Variants in SFMBT2 observed in about 807,000 individuals in gnomAD.
SFMBT2 encodes Scm like with four mbt domains 2, also known as scm-like with four MBT domains protein 2.
SFMBT2 carries 38 observed loss-of-function variants against 110.1 expected under a neutral mutation model. The observed-to-expected ratio is 0.35, with a 90% CI of 0.27 to 0.45. SFMBT2 has a LOEUF of 0.45. Ranked by LOEUF, SFMBT2 falls within the 20% of genes least tolerant of loss-of-function variation. SFMBT2 has a pLI of 1.00. For synonymous variants in SFMBT2, 425 were observed against 425.4 expected (o/e 1.00, Z 0.01); for missense variants, 1,011 against 1,094.9 (o/e 0.92, Z 1.08).
In SFMBT2 at chr10:7,221,333, G is replaced by A. The variant is rs190718697; in HGVS notation, c.1204-796C>T. On this transcript the variant is annotated intron_variant, in intron 10 of 20. Coordinates refer to ENST00000397167, the MANE Select transcript of SFMBT2 (RefSeq NM_001387889.1). Reference sequence around the variant, plus strand: ...TGTAATCCCAGCACTTTAGGAGGCTGAGGCAGGTGGATCACTTGAGGTCAG... The same window carrying A: ...TGTAATCCCAGCACTTTAGGAGGCTAAGGCAGGTGGATCACTTGAGGTCAG... Among the ~76,000 whole-genome samples the A allele has an allele frequency of 1.9e-3, 289 of 152,144 alleles. 1 individual carries two copies. Among genetic ancestry groups the A allele is most frequent in the Non-Finnish European group, 3.7e-3 (249 of 67,994 alleles).
chr10:7,166,841 G>A (rs1247001898), intron 20 of SFMBT2, among the ~76,000 whole-genome samples: 10 of 152,280 alleles, frequency 6.6e-5, no homozygotes, highest in Admixed American at 6.5e-4. Flanking sequence ...GTAAAATCAT[G>A]ACGAGCCCAG....
At chr10:7,206,154 G>C (rs548473563) in intron 11 of SFMBT2, 1 of 985,362 alleles carries the variant, frequency 1.0e-6, no homozygotes, top group East Asian at 1.1e-4. Context: ...GAATAAAAGG[G>C]GTTCAGAGAA....
chr10:7,401,065 G>A (rs950793736), intron 1 of SFMBT2, among the ~76,000 whole-genome samples: 1 of 152,096 alleles, frequency 6.6e-6, no homozygotes, highest in African/African-American at 2.4e-5. Context: ...CCCGGGAAAT[G>A]GAGATTGCAA....
At position 7,205,338 on chromosome 10, in the gene SFMBT2, G is replaced by A. The variant is rs941398451; in HGVS notation, c.1444+477C>T. 4 of 912,150 alleles carry A rather than the reference G, an allele frequency of 4.4e-6. No homozygotes were observed. The African/African-American group carries it at 7.2e-5, about 16-fold the overall frequency. 56.5% of individuals were successfully genotyped at this position (912,150 alleles called of 1,614,324 possible). A position where few individuals can be genotyped will look rare whatever the true frequency, so the allele number is the denominator to read the frequency against. Reference sequence around the variant, plus strand: ...AAATCCTGGGCTCAAGCATTCTCCTGCCTTGGCCTCCCAAAGTACTGAGAT... The same window carrying A: ...AAATCCTGGGCTCAAGCATTCTCCTACCTTGGCCTCCCAAAGTACTGAGAT... On this transcript the variant is annotated intron_variant, in intron 12 of 20. Transcript: ENST00000397167.
intron 8 of SFMBT2, chr10:7,244,027 C>A (rs1249360603): frequency 3.6e-6 from 3 of 821,928 alleles, no homozygotes; most frequent in Non-Finnish European, 2.9e-6. Flanking sequence ...ACAGACAAAC[C>A]CCAGCTTAGA....
At chr10:7,203,681 T>C (rs1839030349) in intron 12 of SFMBT2, 4 of 985,042 alleles carry the variant, frequency 4.1e-6, no homozygotes, top group Non-Finnish European at 4.8e-6. Context: ...GGAGAATCTA[T>C]TGGCCATGCT....
chr10:7,202,822 T>G, intron 12 of SFMBT2: 3 of 985,426 alleles, frequency 3.0e-6, no homozygotes, highest in Non-Finnish European at 3.6e-6. Flanking sequence ...TACCTCACAT[T>G]AGCACACATG....
chr10:7,269,176 G>T (rs1327252), intron 7 of SFMBT2, among the ~76,000 whole-genome samples: 134,973 of 152,284 alleles, frequency 0.89, 59,832 homozygotes, highest in East Asian at 0.92. Context: ...ATCTGTATTT[G>T]CCAAATAAGG....
chr10:7,242,887 T>C (rs1840479459), intron 9 of SFMBT2, among the ~76,000 whole-genome samples: 1 of 152,202 alleles, frequency 6.6e-6, no homozygotes, highest in South Asian at 2.1e-4. Context: ...AAGTTTACTT[T>C]TCTCATCTTT....
At chr10:7,211,449 T>C (rs937517145) in intron 11 of SFMBT2, among the ~76,000 whole-genome samples, 12 of 152,170 alleles carry the variant, frequency 7.9e-5, no homozygotes, top group African/African-American at 2.9e-4. Context: ...GGAGAGGCGA[T>C]TCCCCGGCCT....
rs752372137 is a variant in SFMBT2, at chr10:7,170,913, C to T, written c.2544+15G>A. On this transcript the variant is annotated intron_variant, in intron 20 of 20. Transcript: ENST00000397167. The surrounding 1 kb of genome is among the most constrained non-coding windows in gnomAD (Gnocchi z 4.6). ...CTCAGCACATCAAACAATCGACACGCGGCAACCACCGTACCTGCTCCTGAA... is the reference window on the plus strand; with the variant it reads ...CTCAGCACATCAAACAATCGACACGTGGCAACCACCGTACCTGCTCCTGAA... 3.7e-5 allele frequency: 60 copies of T among 1,613,934 alleles called. No homozygotes were observed. The highest frequency in any genetic ancestry group is 4.6e-5 in the Non-Finnish European group (54 of 1,179,954).
intron 11 of SFMBT2, among the ~76,000 whole-genome samples, chr10:7,210,352 A>G (rs1225245351): frequency 6.6e-6 from 1 of 152,174 alleles, no homozygotes; most frequent in Non-Finnish European, 1.5e-5. Context: ...ACTCAGAGCG[A>G]ATCACAGGAG....
intron 1 of SFMBT2, among the ~76,000 whole-genome samples, chr10:7,404,903 T>C (rs1007098444): frequency 1.3e-5 from 2 of 152,234 alleles, no homozygotes; most frequent in Admixed American, 1.3e-4. Flanking sequence ...AAACATTACA[T>C]GAATCATGTG....
chr10:7,246,258 C>A (rs777943045), intron 8 of SFMBT2: 58 of 684,248 alleles, frequency 8.5e-5, no homozygotes, highest in Admixed American at 5.7e-4. Context: ...TCCCTCCCCT[C>A]AATAAGATCT....
chr10:7,377,397 G>A (rs191013185), intron 2 of SFMBT2, among the ~76,000 whole-genome samples: 53 of 152,230 alleles, frequency 3.5e-4, no homozygotes, highest in Middle Eastern at 3.4e-3. Flanking sequence ...ACAGATACAG[G>A]GGATGGGAGG....
chr10:7,181,841 G>C (rs546951969), intron 16 of SFMBT2, among the ~76,000 whole-genome samples: 33 of 152,142 alleles, frequency 2.2e-4, no homozygotes, highest in African/African-American at 7.5e-4. Context: ...AAAAAGGAGA[G>C]GCAAAAGACA....
intron 1 of SFMBT2, among the ~76,000 whole-genome samples, chr10:7,402,416 G>A (rs531779706): frequency 1.3e-4 from 20 of 152,284 alleles, no homozygotes; most frequent in Non-Finnish European, 2.5e-4. Context: ...AGATGAAAGG[G>A]ATTAGCCGGG....
chr10:7,388,546 T>C (rs1022846913), intron 1 of SFMBT2, among the ~76,000 whole-genome samples: 90 of 141,546 alleles, frequency 6.4e-4, no homozygotes, highest in Non-Finnish European at 1.2e-3. Flanking sequence ...TTTTTTTTTT[T>C]TTGTATTTTA....
intron 2 of SFMBT2, among the ~76,000 whole-genome samples, chr10:7,373,832 C>T (rs1845127950): frequency 6.6e-6 from 1 of 152,176 alleles, no homozygotes; most frequent in Non-Finnish European, 1.5e-5. Flanking sequence ...AGAAGAAGAG[C>T]ACCTGGGAAG....
Sources: allele counts gnomAD v4.1 joint callset (sites outside exome capture counted in the v4.1 genomes callset), GRCh38; gene constraint gnomAD v4.1.1; non-coding constraint Gnocchi (gnomAD v3.1); transcripts MANE v1.5; gene names NCBI Gene and HGNC (gene_info 2026-07-23, HGNC 2026-07-21).